CCNA1: variants seen among roughly 807,000 people sequenced by gnomAD.
CCNA1 encodes the protein cyclin A1, also known as cyclin-A1.
A neutral mutation model predicts 54.1 loss-of-function variants in CCNA1; 23 were observed. The ratio of observed to expected loss-of-function variants is 0.42; its 90% confidence interval spans 0.31 to 0.60. The LOEUF (loss-of-function observed/expected upper bound fraction) is 0.60, where lower values mean the gene tolerates loss of function less well. Among genes scored for constraint, CCNA1 ranks in the 20% least tolerant of loss-of-function variants. CCNA1 has a pLI of 0.14. For missense variants in CCNA1, 450 were observed against 556.7 expected (o/e 0.81, Z 1.93); for synonymous variants, 208 against 213.9 (o/e 0.97, Z 0.24).
At chr13:36,435,938 C>T (rs1380573264) in intron 2 of CCNA1, among the ~76,000 whole-genome samples, 2 of 152,202 alleles carry the variant, frequency 1.3e-5, no homozygotes, top group African/African-American at 4.8e-5. Flanking sequence ...CCTTTGTCTT[C>T]CTCGATTCTT....
chr13:36,433,304 G>A (rs906188195), intron 2 of CCNA1, 83 bp downstream of exon 2: 1 of 1,035,836 alleles, frequency 9.7e-7, no homozygotes, highest in Non-Finnish European at 1.4e-6. Context: ...TCTTGCCCTT[G>A]TACCTACAAC....
At chr13:36,432,488 A>G, upstream of CCNA1, 1 of 406,566 alleles carries the variant, frequency 2.5e-6, no homozygotes, top group East Asian at 7.1e-5. Context: ...CCTCCAGTGC[A>G]CTTGCCAGTT....
rs748774557 is a variant in CCNA1, at chr13:36,432,653, C to G, written c.32C>G (p.Pro11Arg). ...ACCGGCTTTCCCGCAATCATGTACC[C>G]TGGATCTTTTATTGGGGGCTGGGGA... is the stretch of plus-strand genomic sequence containing the variant. The change falls in exon 1 of 9, where the codon CCT (proline) becomes CGT (arginine). Residue 11 changes from proline (P) to arginine (R), a missense_variant. Transcript: ENST00000255465. 13 of 1,608,904 alleles carry G rather than the reference C, an allele frequency of 8.1e-6. No homozygotes were observed. The Admixed American group carries it at 1.5e-4, about 19-fold the overall frequency.
intron 3 of CCNA1, 50 bp downstream of exon 3, chr13:36,437,925 C>G: frequency 6.3e-7 from 1 of 1,587,428 alleles, no homozygotes; most frequent in Non-Finnish European, 8.6e-7. Context: ...GTATTTATAA[C>G]TGCCTGCAGC....
chr13:36,435,529 T>C (rs61950305), intron 2 of CCNA1, among the ~76,000 whole-genome samples: 33,363 of 152,212 alleles, frequency 0.22, 3,944 homozygotes, highest in Non-Finnish European at 0.26. Context: ...TCATTCAGCT[T>C]GTAGAACACC....
chr13:36,433,804 G>T (rs2055767153), intron 2 of CCNA1, among the ~76,000 whole-genome samples: 1 of 152,140 alleles, frequency 6.6e-6, no homozygotes, highest in Non-Finnish European at 1.5e-5. Context: ...GCCTCCCAAA[G>T]TGTTGGGATT....
At chr13:36,433,430 C>CTTTCTTTCT (rs1566169645) in intron 2 of CCNA1, among the ~76,000 whole-genome samples, 8 of 103,556 alleles carry the variant, frequency 7.7e-5, no homozygotes, top group African/African-American at 3.0e-4. Flanking sequence ...TTCTTTCTTT[C>CTTTCTTTCT]TTTCTTTCTT....
intron 3 of CCNA1, 42 bp downstream of exon 3, chr13:36,437,917 A>G: frequency 6.3e-7 from 1 of 1,594,870 alleles, no homozygotes; most frequent in Non-Finnish European, 8.6e-7. Flanking sequence ...GGTACCCTGT[A>G]TTTATAACTG....
At chr13:36,436,976 G>C (rs1041443759) in intron 2 of CCNA1, among the ~76,000 whole-genome samples, 1 of 152,186 alleles carries the variant, frequency 6.6e-6, no homozygotes, top group African/African-American at 2.4e-5. Flanking sequence ...CATTATGCTT[G>C]TTCACTGTGG....
chr13:36,432,891 G>T (rs1363832912), intron 1 of CCNA1, 142 bp from the exon 2 acceptor site: 7 of 993,480 alleles, frequency 7.0e-6, no homozygotes, highest in Non-Finnish European at 1.1e-5. Context: ...TGCCCTTTCA[G>T]CCCCAATAAT....
chr13:36,432,444 T>C, upstream of CCNA1: 6 of 77,594 alleles, frequency 7.7e-5, no homozygotes, highest in South Asian at 1.4e-4. Flanking sequence ...TGCCCCGCCC[T>C]GCCCCGCCCA....
At chr13:36,433,362 T>C (rs537856713) in intron 2 of CCNA1, 141 bp downstream of exon 2, 1 of 359,944 alleles carries the variant, frequency 2.8e-6, no homozygotes, top group South Asian at 1.5e-4. Flanking sequence ...GGAAAGTTGA[T>C]TGATTTATTT....
At chr13:36,440,836 T>C (rs568339838) in intron 6 of CCNA1, among the ~76,000 whole-genome samples, 5 of 152,340 alleles carry the variant, frequency 3.3e-5, no homozygotes, top group African/African-American at 1.2e-4. Context: ...TACCACTTTA[T>C]CTCAGCATAA....
chr13:36,441,314 A>C (rs1052612296), intron 7 of CCNA1, 83 bp downstream of exon 7: 4 of 775,426 alleles, frequency 5.2e-6, no homozygotes, highest in Non-Finnish European at 6.6e-6. Context: ...TTAGTTTAAT[A>C]AGGATCTGGT....
rs778445360 is a variant in CCNA1 at position 36,440,003 on chromosome 13, T to C, written c.918T>C (p.Pro306=). 35 of 1,612,006 alleles carry C rather than the reference T, an allele frequency of 2.2e-5. No individual in the cohort carries two copies. Among genetic ancestry groups the C allele is most frequent in the Admixed American group, 8.3e-5 (5 of 60,002 alleles). ...GGAAATATGAAGAGATATATCCTCC[T>C]GAAGTAGACGAGTTTGTCTATATCA... The change falls in exon 6 of 9, where the codon CCT becomes CCC. Residue 306 remains proline, a synonymous_variant. Transcript: ENST00000255465.
At chr13:36,437,020 A>G (rs1385975764) in intron 2 of CCNA1, among the ~76,000 whole-genome samples, 3 of 152,212 alleles carry the variant, frequency 2.0e-5, no homozygotes, top group Admixed American at 2.0e-4. Context: ...TTCATGTTAT[A>G]AGAATAGAGA....
chr13:36,438,193 T>C lies in CCNA1; in HGVS notation c.669+2T>C. On this transcript the variant is annotated splice_donor_variant, in intron 4 of 8. Coordinates refer to ENST00000255465, the MANE Select transcript of CCNA1 (RefSeq NM_003914.4). LOFTEE classifies it high-confidence loss of function. ...TATCAGTACCTTAGGGAAGCTGAAG[T>C]AAGTTTTCCCACCTTCTACTTCAAT... The C allele has an allele frequency of 6.2e-7, 1 of 1,609,084 alleles. No homozygotes were observed.
In CCNA1 at chr13:36,433,103, C is replaced by T; in HGVS notation, c.179C>T (p.Ala60Val). The change falls in exon 2 of 9, where the codon GCC becomes GTC. Residue 60 changes from alanine to valine, a missense_variant. By Grantham distance (64) the Ala-to-Val change is moderately conservative. This residue lies in a region of CCNA1 where 103 missense variants were observed against 100.9 expected (regional missense o/e 1.02). Transcript: ENST00000255465. ...AGTGGAGTTGTGCTGGCTACAGTGG[C>T]CCGAGGTCCCGATGCTTGTCAGATA... The T allele has an allele frequency of 6.2e-7, 1 of 1,614,166 alleles. No individual in the cohort carries two copies. Among genetic ancestry groups the T allele is most frequent in the Non-Finnish European group, 8.5e-7 (1 of 1,180,024 alleles).
At chr13:36,438,985 C>T in intron 5 of CCNA1, 118 bp downstream of exon 5, 2 of 739,724 alleles carry the variant, frequency 2.7e-6, no homozygotes, top group East Asian at 5.1e-5. Context: ...AGTCATGTGT[C>T]CTTTGATAAA....
Sources: allele counts gnomAD v4.1 joint callset (sites outside exome capture counted in the v4.1 genomes callset), GRCh38; gene constraint gnomAD v4.1.1; regional missense constraint gnomAD v4.1.1; transcripts MANE v1.5; gene names NCBI Gene and HGNC (gene_info 2026-07-23, HGNC 2026-07-21).